TRPV4: variants seen among roughly 807,000 people sequenced by gnomAD.
The protein encoded by TRPV4 is transient receptor potential cation channel subfamily V member 4.
TRPV4 carries 58 observed loss-of-function variants against 84.1 expected under a neutral mutation model. The ratio of observed to expected loss-of-function variants is 0.69; its 90% CI spans 0.56 to 0.86. TRPV4 has a LOEUF of 0.86. Ranked by LOEUF, TRPV4 falls within the 40% of genes least tolerant of loss-of-function variation. The pLI is 0.00. For missense variants in TRPV4, 879 were observed against 1,181.1 expected, an observed-to-expected ratio of 0.74 and a Z score of 3.75; for synonymous variants, 489 against 500.9, an observed-to-expected ratio of 0.98 and a Z score of 0.32.
chr12:109,819,863 A>G (rs1471772840), intron 1 of TRPV4, among the ~76,000 whole-genome samples: 4 of 152,176 alleles, frequency 2.6e-5, no homozygotes, highest in Non-Finnish European at 4.4e-5. Flanking sequence ...CGCCCAGCCA[A>G]AGTAGCGGTT....
intron 1 of TRPV4, among the ~76,000 whole-genome samples, chr12:109,827,236 G>A (rs760729919): frequency 3.9e-5 from 6 of 152,054 alleles, no homozygotes; most frequent in Non-Finnish European, 7.4e-5. Flanking sequence ...GACAACTATC[G>A]TGAGCCCATT....
intron 3 of TRPV4, among the ~76,000 whole-genome samples, chr12:109,804,435 T>A (rs889818605): frequency 6.6e-6 from 1 of 152,168 alleles, no homozygotes; most frequent in Non-Finnish European, 1.5e-5. Flanking sequence ...ACCATTTCTC[T>A]GCTTAGGGTC....
At chr12:109,799,500 C>G (rs199531318) in intron 5 of TRPV4, among the ~76,000 whole-genome samples, 2 of 152,186 alleles carry the variant, frequency 1.3e-5, no homozygotes, top group South Asian at 4.1e-4. Flanking sequence ...ATAATGAATG[C>G]CTTTAAGCAG....
chr12:109,792,743 A>G lies in TRPV4; in HGVS notation c.1733T>C (p.Met578Thr). Residue 578 changes from methionine to threonine, a missense_variant, in exon 11 of 16, where the codon ATG becomes ACG. By Grantham distance (81) the Met-to-Thr change is moderately conservative. Around this residue, in one of 4 missense-constraint regions of TRPV4, gnomAD observed 521 missense variants for 686.6 expected, o/e 0.76. Coordinates refer to ENST00000261740, the MANE Select transcript of TRPV4 (RefSeq NM_021625.5). ...LAGIEAYLAV[M>T]VFALVLGWMN... is the part of the protein sequence containing the mutation. The stretch of plus-strand genomic sequence containing the variant: ...CCAGCCCAGGACCAGGGCAAAGACC[A>G]TCACGGCCAGGTAGGCCTCGATCCC... 6.2e-7 allele frequency: 1 copy of G among 1,614,178 alleles called. No individual in the cohort carries two copies. The highest frequency in any genetic ancestry group is 8.5e-7 in the Non-Finnish European group (1 of 1,180,040).
intron 2 of TRPV4, among the ~76,000 whole-genome samples, chr12:109,813,305 G>A (rs536492137): frequency 2.3e-4 from 35 of 152,200 alleles, no homozygotes; most frequent in Admixed American, 8.5e-4. Context: ...CCCGCTACTC[G>A]GGAGGCTGAG....
intron 12 of TRPV4, 23 bp downstream of exon 12, chr12:109,792,340 C>A (rs369230668): frequency 6.2e-7 from 1 of 1,612,212 alleles, no homozygotes; most frequent in Non-Finnish European, 8.5e-7. Context: ...CCTGCCAGGA[C>A]CACCTGAGCA....
In TRPV4 at chr12:109,798,702, C is replaced by T. The variant is rs764715510; in HGVS notation, c.1064G>A (p.Arg355His). Residue 355 changes from arginine (R) to histidine (H), a missense_variant, in exon 6 of 16, where the codon CGC becomes CAC. Transcript: ENST00000261740. The surrounding 1 kb of genome is among the most constrained non-coding windows in gnomAD (Gnocchi z 5.0). ...CTCCAGGTTGCTGTCGGGGAAGAGG[C>T]GGGCACACTTGAGCAGCAGCAGGTC... ...MYDLLLLKCARLFPDSNLEAV... is the reference protein window; with the variant it reads ...MYDLLLLKCAHLFPDSNLEAV... The T allele has an allele frequency of 1.2e-5, 20 of 1,613,800 alleles. No homozygotes were observed. Among genetic ancestry groups the T allele is most frequent in the South Asian group, 5.5e-5 (5 of 91,086 alleles).
At chr12:109,794,054 C>A in intron 8 of TRPV4, 32 bp from the exon 9 acceptor site, 1 of 1,550,954 alleles carries the variant, frequency 6.4e-7, no homozygotes, top group Non-Finnish European at 8.8e-7. Flanking sequence ...CAGGTCGTCA[C>A]CCAGCCCCTC....
Position 109,783,511 on chromosome 12 carries a change from C to T in TRPV4, c.*110G>A. On this transcript the variant is annotated 3_prime_UTR_variant, in exon 16 of 16. Transcript: ENST00000261740. The surrounding 1 kb of genome is among the most constrained non-coding windows in gnomAD (Gnocchi z 4.6). ...GCCTCCCTGGCACCTCCACTGGTCC[C>T]TCGCCTCTGGGGCCAAAGCAGGGTG... 2 of 1,452,730 alleles carry T rather than the reference C, an allele frequency of 1.4e-6. No homozygotes were observed. The highest frequency in any genetic ancestry group is 1.8e-6 in the Non-Finnish European group (2 of 1,082,086). 90.0% of individuals were successfully genotyped at this position (1,452,730 alleles called of 1,614,324 possible). A position where few individuals can be genotyped will look rare whatever the true frequency, so the allele number is the denominator to read the frequency against.
At chr12:109,824,770 C>CAAACAAAACT (rs1892207984) in intron 1 of TRPV4, among the ~76,000 whole-genome samples, 1 of 110,486 alleles carries the variant, frequency 9.1e-6, no homozygotes, top group African/African-American at 3.0e-5. Context: ...AAAACAAAAC[C>CAAACAAAACT]TTAGGCCCGC....
intron 7 of TRPV4, among the ~76,000 whole-genome samples, chr12:109,795,136 C>T (rs954963290): frequency 5.9e-5 from 9 of 152,208 alleles, no homozygotes; most frequent in South Asian, 2.1e-4. Flanking sequence ...TCCTGGCCTC[C>T]GCTCTCAGAA....
At position 109,798,613 on chromosome 12, in the gene TRPV4, C is replaced by A; in HGVS notation, c.1152+1G>T. 6.2e-7 allele frequency: 1 copy of A among 1,611,158 alleles called. No individual in the cohort carries two copies. Among genetic ancestry groups the A allele is most frequent in the Non-Finnish European group, 8.5e-7 (1 of 1,180,004 alleles). ...AGCTGTGCCCCCAGCCGCACACTCA[C>A]CCCAATCTTGCCCGTCTTGGCAGCC... On this transcript the variant is annotated splice_donor_variant, in intron 6 of 15. Coordinates refer to ENST00000261740, the MANE Select transcript of TRPV4 (RefSeq NM_021625.5). LOFTEE classifies it high-confidence loss of function. The surrounding 1 kb of genome is among the most constrained non-coding windows in gnomAD (Gnocchi z 5.0).
At chr12:109,784,774 G>A (rs1480780439) in intron 14 of TRPV4, among the ~76,000 whole-genome samples, 1 of 147,498 alleles carries the variant, frequency 6.8e-6, no homozygotes, top group Non-Finnish European at 1.5e-5. Flanking sequence ...AACCTGGGAG[G>A]CAGTTGCAGT....
At chr12:109,784,858 GACGT>G (rs1313308397) in intron 14 of TRPV4, among the ~76,000 whole-genome samples, 1 of 66,448 alleles carries the variant, frequency 1.5e-5, no homozygotes, top group Non-Finnish European at 2.7e-5. Flanking sequence ...AAAAAAAAAA[GACGT>G]GTGTGTGTGT....
chr12:109,783,525 C>A lies in TRPV4; in HGVS notation c.*96G>T. 12 of 1,505,636 alleles carry A rather than the reference C, an allele frequency of 8.0e-6. No individual in the cohort carries two copies. Among genetic ancestry groups the A allele is most frequent in the Non-Finnish European group, 1.1e-5 (12 of 1,116,492 alleles). The allele number at this position is 1,505,636 out of a possible 1,614,324, so 93.3% of individuals were successfully genotyped here. On this transcript the variant is annotated 3_prime_UTR_variant, in exon 16 of 16. Coordinates refer to ENST00000261740, the MANE Select transcript of TRPV4 (RefSeq NM_021625.5). This position sits in a 1 kb window ranked among gnomAD's most constrained non-coding sequence, Gnocchi z 4.6. The stretch of plus-strand genomic sequence containing the variant: ...TCCACTGGTCCCTCGCCTCTGGGGC[C>A]AAAGCAGGGTGTGGGGGGACACCCC...
chr12:109,830,496 C>A (rs78325137), intron 1 of TRPV4, among the ~76,000 whole-genome samples: 74 of 152,318 alleles, frequency 4.9e-4, no homozygotes, highest in Admixed American at 4.8e-3. Context: ...TTCATAACAG[C>A]AGCCACTTAT....
chr12:109,829,195 A>T (rs1449500844), intron 1 of TRPV4, among the ~76,000 whole-genome samples: 1 of 151,846 alleles, frequency 6.6e-6, no homozygotes, highest in Non-Finnish European at 1.5e-5. Flanking sequence ...TAAAAAAAAA[A>T]GTGAACAACA....
intron 1 of TRPV4, among the ~76,000 whole-genome samples, chr12:109,825,306 A>T (rs1223025199): frequency 6.6e-6 from 1 of 152,194 alleles, no homozygotes. Context: ...AACAAACACC[A>T]AGTGTTCAAT....
chr12:109,783,263 G>T lies in TRPV4; in HGVS notation c.*358C>A, dbSNP rs1422311706. 2 of 248,750 alleles carry T rather than the reference G, an allele frequency of 8.0e-6. No homozygotes were observed. The highest frequency in any genetic ancestry group is 1.5e-5 in the Non-Finnish European group (2 of 129,408). 15.4% of individuals were successfully genotyped at this position (248,750 alleles called of 1,614,324 possible). ...TGAGGCTGGGGCTTGGCCGGGCAGTGCACTTGGAACGGGGTCCTAAGGCCT... is the reference window on the plus strand; with the variant it reads ...TGAGGCTGGGGCTTGGCCGGGCAGTTCACTTGGAACGGGGTCCTAAGGCCT... On this transcript the variant is annotated 3_prime_UTR_variant, in exon 16 of 16. Transcript: ENST00000261740. This position sits in a 1 kb window ranked among gnomAD's most constrained non-coding sequence, Gnocchi z 4.6.
Sources: allele counts gnomAD v4.1 joint callset (sites outside exome capture counted in the v4.1 genomes callset), GRCh38; gene constraint gnomAD v4.1.1; regional missense constraint gnomAD v4.1.1; non-coding constraint Gnocchi (gnomAD v3.1); transcripts MANE v1.5; gene names NCBI Gene and HGNC (gene_info 2026-07-23, HGNC 2026-07-21).